Variants in DLGAP2 observed in about 807,000 individuals in gnomAD.
DLGAP2 encodes the protein disks large-associated protein 2.
In DLGAP2, 26 loss-of-function variants were observed where a neutral mutation model predicts 100.3. The observed-to-expected ratio is 0.26, with a 90% CI of 0.19 to 0.36. The LOEUF (loss-of-function observed/expected upper bound fraction) is 0.36, where lower values mean the gene tolerates loss of function less well. Ranked by LOEUF, DLGAP2 falls within the 10% of genes least tolerant of loss-of-function variation. DLGAP2 has a pLI of 1.00. For missense variants in DLGAP2, 1,858 were observed against 1,453.2 expected (o/e 1.28, Z -4.53); for synonymous variants, 886 against 630.1 (o/e 1.41, Z -6.08).
chr8:1,039,798 C>T (rs1445559111), intron 2 of DLGAP2, among the ~76,000 whole-genome samples: 2 of 143,052 alleles, frequency 1.4e-5, no homozygotes, highest in Admixed American at 6.9e-5. Flanking sequence ...ATGTTCAGCT[C>T]GGTTTCCGTG....
At chr8:1,174,477 CCAT>C (rs1024044070) in intron 2 of DLGAP2, among the ~76,000 whole-genome samples, 18 of 151,430 alleles carry the variant, frequency 1.2e-4, no homozygotes, top group Non-Finnish European at 2.1e-4. Flanking sequence ...ATTACCATTA[CCAT>C]CATCATCATC....
At chr8:1,023,930 GGCT>G (rs1563150175) in intron 2 of DLGAP2, among the ~76,000 whole-genome samples, 3 of 142,244 alleles carry the variant, frequency 2.1e-5, no homozygotes. Flanking sequence ...GCAAAATCCC[GGCT>G]GCTGCTTTCT....
chr8:952,682 A>G (rs1799509528), intron 2 of DLGAP2, among the ~76,000 whole-genome samples: 1 of 152,200 alleles, frequency 6.6e-6, no homozygotes, highest in Non-Finnish European at 1.5e-5. Context: ...TTTCATATTA[A>G]TAAAAGAAAC....
chr8:1,097,038 T>C (rs1804398794), intron 2 of DLGAP2, among the ~76,000 whole-genome samples: 1 of 140,666 alleles, frequency 7.1e-6, no homozygotes, highest in Non-Finnish European at 1.5e-5. Context: ...GGGGCAGGCC[T>C]TCACCCTATG....
chr8:1,704,596 T>C lies in DLGAP2; in HGVS notation c.*3190T>C, dbSNP rs964152477. The C allele has an allele frequency of 2.6e-5, 4 of 152,204 alleles. No homozygotes were observed. Among genetic ancestry groups the C allele is most frequent in the Non-Finnish European group, 4.4e-5 (3 of 68,034 alleles). The allele number at this position is 152,204 out of a possible 1,614,324, so 9.4% of individuals were successfully genotyped here. ...TCTCAGCAAATTTATATCACCATCT[T>C]AGAATGGTATATAAAAAAATTGAAC... On this transcript the variant is annotated 3_prime_UTR_variant, in exon 15 of 15. Coordinates refer to ENST00000637795, the MANE Select transcript of DLGAP2 (RefSeq NM_001346810.2).
chr8:902,410 T>C (rs1190592876), intron 1 of DLGAP2, among the ~76,000 whole-genome samples: 1 of 149,218 alleles, frequency 6.7e-6, no homozygotes. Context: ...GGAGTCACGG[T>C]GTGCAGTTCG....
chr8:1,456,395 A>C (rs549596173), intron 3 of DLGAP2, among the ~76,000 whole-genome samples: 65 of 152,158 alleles, frequency 4.3e-4, no homozygotes, highest in Non-Finnish European at 7.9e-4. Context: ...GTGTATCTAA[A>C]CATCAAAGCA....
intron 3 of DLGAP2, among the ~76,000 whole-genome samples, chr8:1,496,842 G>T (rs953151880): frequency 6.6e-6 from 1 of 152,332 alleles, no homozygotes; most frequent in South Asian, 2.1e-4. Flanking sequence ...TGCGTTGCTG[G>T]AGGAGGGTTG....
At chr8:1,263,699 A>C (rs936931561) in intron 3 of DLGAP2, among the ~76,000 whole-genome samples, 12 of 152,166 alleles carry the variant, frequency 7.9e-5, no homozygotes, top group African/African-American at 2.7e-4. Context: ...TGGGGAAAAA[A>C]TGATAGGATT....
chr8:1,276,550 C>T (rs1052935298), intron 3 of DLGAP2, among the ~76,000 whole-genome samples: 1 of 151,984 alleles, frequency 6.6e-6, no homozygotes, highest in East Asian at 1.9e-4. Flanking sequence ...GAAGGTGTTT[C>T]TCTTGCTATA....
At chr8:789,508 C>G (rs1217071588) in intron 1 of DLGAP2, among the ~76,000 whole-genome samples, 1 of 152,202 alleles carries the variant, frequency 6.6e-6, no homozygotes, top group African/African-American at 2.4e-5. Flanking sequence ...CACAATTTGA[C>G]GTGAGATTTG....
chr8:1,584,007 T>G (rs1255077448), intron 6 of DLGAP2, among the ~76,000 whole-genome samples: 1 of 152,146 alleles, frequency 6.6e-6, no homozygotes, highest in African/African-American at 2.4e-5. Flanking sequence ...TTACGTCCCC[T>G]GCAGCATATT....
intron 1 of DLGAP2, among the ~76,000 whole-genome samples, chr8:886,107 T>A (rs1345055173): frequency 6.6e-6 from 1 of 152,236 alleles, no homozygotes; most frequent in Non-Finnish European, 1.5e-5. Flanking sequence ...GGGATTCAAT[T>A]TCTCCCTGGT....
chr8:1,499,567 T>G (rs1799647511), intron 3 of DLGAP2, among the ~76,000 whole-genome samples: 1 of 152,374 alleles, frequency 6.6e-6, no homozygotes, highest in Middle Eastern at 3.4e-3. Context: ...ATGTGGACAT[T>G]TGGCAGATGT....
chr8:1,622,874 G>A (rs1201140861), intron 6 of DLGAP2, among the ~76,000 whole-genome samples: 1 of 152,160 alleles, frequency 6.6e-6, no homozygotes, highest in Non-Finnish European at 1.5e-5. Context: ...GGGATTTTCA[G>A]GGGGAAGAGT....
At chr8:1,066,215 C>A (rs1380876450) in intron 2 of DLGAP2, among the ~76,000 whole-genome samples, 2 of 150,136 alleles carry the variant, frequency 1.3e-5, no homozygotes, top group South Asian at 2.1e-4. Flanking sequence ...CAGTTCTCCA[C>A]CATGGTCAGG....
At chr8:941,295 AT>A (rs1799189811) in intron 2 of DLGAP2, among the ~76,000 whole-genome samples, 1 of 151,874 alleles carries the variant, frequency 6.6e-6, no homozygotes. Flanking sequence ...TGTATCTAGG[AT>A]TTTGGGAAAA....
intron 3 of DLGAP2, among the ~76,000 whole-genome samples, chr8:1,377,395 T>G (rs150733106): frequency 6.6e-6 from 1 of 152,118 alleles, no homozygotes; most frequent in Non-Finnish European, 1.5e-5. Flanking sequence ...ATACAAAAAA[T>G]TAGCCAGGCG....
At chr8:1,540,367 C>T (rs948252445) in intron 4 of DLGAP2, among the ~76,000 whole-genome samples, 1 of 152,192 alleles carries the variant, frequency 6.6e-6, no homozygotes, top group African/African-American at 2.4e-5. Context: ...CTGTCTACCA[C>T]GGTACCTTGT....
Sources: gnomAD v4.1 joint callset for allele counts (sites outside exome capture counted in the v4.1 genomes callset) on GRCh38, gnomAD v4.1.1 for gene constraint, MANE v1.5 for transcripts, NCBI Gene and HGNC (gene_info 2026-07-23, HGNC 2026-07-21) for gene names.